Variants in MATN2 observed in about 807,000 individuals in gnomAD.
The protein encoded by MATN2 is matrilin-2.
MATN2 carries 69 observed loss-of-function variants against 103.2 expected under a neutral mutation model. The ratio of observed to expected loss-of-function variants is 0.67; its 90% CI spans 0.55 to 0.82. The LOEUF is 0.82. Ranked by LOEUF, MATN2 falls within the 40% of genes least tolerant of loss-of-function variation. The pLI is 0.00. For missense variants in MATN2, 1,023 were observed against 1,211.5 expected (o/e 0.84, Z 2.31); for synonymous variants, 429 against 450.2 (o/e 0.95, Z 0.60).
chr8:97,973,237 A>G (rs1011215854), intron 5 of MATN2, among the ~76,000 whole-genome samples: 2 of 152,148 alleles, frequency 1.3e-5, no homozygotes, highest in Non-Finnish European at 2.9e-5. Flanking sequence ...AGTTTTACAG[A>G]CTGGAGACTT....
chr8:97,948,054 A>T (rs1277737445), intron 4 of MATN2, among the ~76,000 whole-genome samples: 2 of 152,324 alleles, frequency 1.3e-5, no homozygotes, highest in Non-Finnish European at 2.9e-5. Context: ...AGTACTTAGG[A>T]ACAATAGACA....
intron 1 of MATN2, among the ~76,000 whole-genome samples, chr8:97,887,423 G>A (rs1052117458): frequency 2.6e-5 from 4 of 152,088 alleles, no homozygotes; most frequent in African/African-American, 9.7e-5. Flanking sequence ...GACCCTTCCT[G>A]AGCCTTATGG....
intron 13 of MATN2, among the ~76,000 whole-genome samples, chr8:98,023,413 G>A (rs909859973): frequency 2.0e-5 from 3 of 152,202 alleles, no homozygotes; most frequent in South Asian, 4.1e-4. Flanking sequence ...GCTCACACCT[G>A]TAATCCCAGC....
At chr8:97,893,337 G>A (rs1818696756) in intron 2 of MATN2, among the ~76,000 whole-genome samples, 1 of 152,112 alleles carries the variant, frequency 6.6e-6, no homozygotes, top group South Asian at 2.1e-4. Context: ...CTTATCAGTG[G>A]CACCCATCCC....
intron 5 of MATN2, among the ~76,000 whole-genome samples, chr8:97,968,987 G>C (rs1303300443): frequency 6.6e-6 from 1 of 152,244 alleles, no homozygotes; most frequent in African/African-American, 2.4e-5. Context: ...TCACAGTTCT[G>C]CAGGCTGTAC....
intron 2 of MATN2, among the ~76,000 whole-genome samples, chr8:97,922,216 A>G (rs1337421814): frequency 5.3e-5 from 8 of 152,164 alleles, no homozygotes; most frequent in Non-Finnish European, 8.8e-5. Context: ...CTGATGTGCT[A>G]GTTTTATATT....
chr8:98,032,832 G>A (rs1308128597), intron 16 of MATN2, among the ~76,000 whole-genome samples: 1 of 151,536 alleles, frequency 6.6e-6, no homozygotes, highest in Non-Finnish European at 1.5e-5. Flanking sequence ...GTGCCCGGCT[G>A]TTTTTGTTTT....
chr8:97,874,389 C>CTCT (rs10635068), intron 1 of MATN2, among the ~76,000 whole-genome samples: 17,130 of 139,812 alleles, frequency 0.12, 1,964 homozygotes, highest in African/African-American at 0.29. Context: ...TTCTGCCTTC[C>CTCT]TCTTCTTCTT....
At chr8:98,015,929 C>T (rs1402957126) in intron 10 of MATN2, among the ~76,000 whole-genome samples, 2 of 151,996 alleles carry the variant, frequency 1.3e-5, no homozygotes, top group African/African-American at 4.8e-5. Context: ...GTAATATATA[C>T]ATACATACAT....
intron 1 of MATN2, among the ~76,000 whole-genome samples, chr8:97,870,507 A>G (rs1013657172): frequency 6.1e-5 from 9 of 147,966 alleles, no homozygotes; most frequent in Non-Finnish European, 1.2e-4. Flanking sequence ...AACAAGAGCT[A>G]AACTCCGTCT....
intron 18 of MATN2, among the ~76,000 whole-genome samples, chr8:98,035,160 C>A (rs1814192458): frequency 6.6e-6 from 1 of 152,072 alleles, no homozygotes; most frequent in Non-Finnish European, 1.5e-5. Context: ...GAGTTCGAGA[C>A]CAGCCTGGCC....
chr8:97,982,107 A>C lies in MATN2; in HGVS notation c.1081+3099A>C, dbSNP rs959991106. Among the ~76,000 whole-genome samples the C allele has an allele frequency of 6.6e-6, 1 of 152,220 alleles. No individual in the cohort carries two copies. Among genetic ancestry groups the C allele is most frequent in the Admixed American group, 6.5e-5 (1 of 15,280 alleles). On this transcript the variant is annotated intron_variant, in intron 6 of 18. Transcript: ENST00000254898. The surrounding 1 kb of genome is among the most constrained non-coding windows in gnomAD (Gnocchi z 4.3). ...GCCTCAGGGCAGTACATCCCTTAGAAGAGCCCTCTTCCCACCATGCTTGGG... is the reference window on the plus strand; with the variant it reads ...GCCTCAGGGCAGTACATCCCTTAGACGAGCCCTCTTCCCACCATGCTTGGG...
At chr8:98,032,859 G>T (rs1190161188) in intron 16 of MATN2, among the ~76,000 whole-genome samples, 183 bp from the exon 17 acceptor site, 1 of 151,354 alleles carries the variant, frequency 6.6e-6, no homozygotes, top group Non-Finnish European at 1.5e-5. Context: ...TGTTGTTGTT[G>T]TTTTTTGTTT....
chr8:98,022,158 G>T (rs1813614380), intron 13 of MATN2, among the ~76,000 whole-genome samples: 1 of 152,192 alleles, frequency 6.6e-6, no homozygotes, highest in Non-Finnish European at 1.5e-5. Flanking sequence ...AATAAAACAT[G>T]ATGCAGCTGT....
intron 2 of MATN2, among the ~76,000 whole-genome samples, chr8:97,921,601 T>C (rs1446841715): frequency 6.6e-6 from 1 of 152,152 alleles, no homozygotes; most frequent in African/African-American, 2.4e-5. Context: ...AAATTACATC[T>C]GAAGTAGCCT....
intron 2 of MATN2, among the ~76,000 whole-genome samples, chr8:97,928,690 C>T (rs2331807): frequency 0.4 from 60,397 of 151,984 alleles, 13,592 homozygotes; most frequent in East Asian, 0.83. Flanking sequence ...GGGCTGGACA[C>T]GAGTGAGGGC....
intron 2 of MATN2, among the ~76,000 whole-genome samples, chr8:97,927,925 T>C (rs1810043147): frequency 6.6e-6 from 1 of 152,194 alleles, no homozygotes. Context: ...GCGAGTCTTG[T>C]GTGAATTTCC....
chr8:98,009,984 G>A (rs1813102743), intron 10 of MATN2, among the ~76,000 whole-genome samples: 1 of 152,114 alleles, frequency 6.6e-6, no homozygotes, highest in Non-Finnish European at 1.5e-5. Flanking sequence ...TTTGCCCCAC[G>A]GCCCCTGGCA....
chr8:97,932,688 C>T (rs1032004441), intron 3 of MATN2, among the ~76,000 whole-genome samples: 4 of 152,148 alleles, frequency 2.6e-5, no homozygotes, highest in African/African-American at 9.7e-5. Flanking sequence ...CTTCCTCCTC[C>T]GGGAGGGCAG....
Sources: gnomAD v4.1 joint callset for allele counts (sites outside exome capture counted in the v4.1 genomes callset) on GRCh38, gnomAD v4.1.1 for gene constraint, Gnocchi (gnomAD v3.1) non-coding constraint, MANE v1.5 for transcripts, NCBI Gene and HGNC (gene_info 2026-07-23, HGNC 2026-07-21) for gene names.